Variants in GFM1 observed in about 807,000 individuals in gnomAD.
GFM1 encodes elongation factor G, mitochondrial.
In GFM1, 62 loss-of-function variants were observed where a neutral mutation model predicts 96.2. The ratio of observed to expected loss-of-function variants is 0.64; its 90% CI spans 0.53 to 0.80. The LOEUF is 0.80. Ranked by LOEUF, GFM1 falls within the 30% of genes least tolerant of loss-of-function variation. The pLI is 0.00. For synonymous variants in GFM1, 282 were observed against 312.9 expected (o/e 0.90, Z 1.04); for missense variants, 852 against 916.6 (o/e 0.93, Z 0.91).
At chr3:158,656,729 A>T (rs1043472073) in intron 8 of GFM1, 5 of 152,238 alleles carry the variant, frequency 3.3e-5, no homozygotes, top group African/African-American at 1.2e-4. Flanking sequence ...CACTTATTTA[A>T]TATCAGCGTG....
At chr3:158,688,132 A>G (rs1726016128) in intron 15 of GFM1, among the ~76,000 whole-genome samples, 1 of 152,226 alleles carries the variant, frequency 6.6e-6, no homozygotes, top group Non-Finnish European at 1.5e-5. Context: ...TAAAAAATGA[A>G]CACTAGAATT....
chr3:158,669,539 G>T lies in GFM1; in HGVS notation c.1601+3153G>T, dbSNP rs373201097. 3.1e-6 allele frequency: 5 copies of T among 1,613,954 alleles called. No individual in the cohort carries two copies. The highest frequency in any genetic ancestry group is 4.2e-6 in the Non-Finnish European group (5 of 1,179,886). On this transcript the variant is annotated intron_variant, in intron 13 of 17. Transcript: ENST00000486715. ...TTCCAGTTTCTCCTTCAAATGTGAA[G>T]TTGACTTCTGGTGCAGTTTCTTGTC...
intron 8 of GFM1, 111 bp from the exon 9 acceptor site, chr3:158,658,811 A>G: frequency 8.9e-7 from 1 of 1,118,196 alleles, no homozygotes; most frequent in Non-Finnish European, 1.3e-6. Context: ...TGTAAGATAG[A>G]TTACTAAAAT....
rs747715354 is a variant in GFM1 at position 158,672,392 on chromosome 3, G to A, written c.1601+6006G>A. The stretch of plus-strand genomic sequence containing the variant: ...TGACCTTCTGCACCTCAAACACCCT[G>A]TGCGGGGTCCCCTGCTGGTAGTTGA... On this transcript the variant is annotated intron_variant, in intron 13 of 17. Transcript: ENST00000486715. 5.0e-6 allele frequency: 8 copies of A among 1,613,956 alleles called. No homozygotes were observed. In the South Asian group the frequency reaches 8.8e-5, roughly 18 times the overall value.
intron 5 of GFM1, chr3:158,649,880 G>A (rs1333738213): frequency 2.7e-6 from 2 of 754,454 alleles, no homozygotes; most frequent in Non-Finnish European, 4.4e-6. Context: ...AAGGTTTCCA[G>A]TTGATGCTGC....
At chr3:158,684,850 C>A (rs186555280) in intron 15 of GFM1, 182 bp downstream of exon 15, 11 of 615,380 alleles carry the variant, frequency 1.8e-5, no homozygotes, top group Middle Eastern at 4.5e-4. Context: ...CTCTTTCTTG[C>A]AAAGCTAAAA....
rs1726451766 is a variant in GFM1 at position 158,693,760 on chromosome 3, C to G, written c.*2293C>G. 1.3e-5 allele frequency: 2 copies of G among 152,204 alleles called. 1 individual carries two copies. Among genetic ancestry groups the G allele is most frequent in the African/African-American group, 4.8e-5 (2 of 41,452 alleles). The allele number at this position is 152,204 out of a possible 1,614,324, so 9.4% of individuals were successfully genotyped here. A position where few individuals can be genotyped will look rare whatever the true frequency, so the allele number is the denominator to read the frequency against. Reference sequence around the variant, plus strand: ...GTATTGTACTGATTCCCAACCCTCACTGTACTTTAAAAATCACTGGGGGAG... The same window carrying G: ...GTATTGTACTGATTCCCAACCCTCAGTGTACTTTAAAAATCACTGGGGGAG... On this transcript the variant is annotated 3_prime_UTR_variant, in exon 18 of 18. Coordinates refer to ENST00000486715, the MANE Select transcript of GFM1 (RefSeq NM_024996.7).
Position 158,694,386 on chromosome 3 carries a change from C to T in GFM1, c.*2919C>T, listed in dbSNP as rs1726476799. Among the ~76,000 whole-genome samples, 1 of 152,078 alleles carries T rather than the reference C, an allele frequency of 6.6e-6. No individual in the cohort carries two copies. Among genetic ancestry groups the T allele is most frequent in the Non-Finnish European group, 1.5e-5 (1 of 68,004 alleles). ...ATAAGTGGGAGCTAAATAATGAGAA[C>T]ACATGGACACACAGAGGGGAACAAC... On this transcript the variant is annotated 3_prime_UTR_variant, in exon 18 of 18. Coordinates refer to ENST00000486715, the MANE Select transcript of GFM1 (RefSeq NM_024996.7).
chr3:158,644,898 C>T (rs1055958465), intron 1 of GFM1, 183 bp downstream of exon 1: 2 of 628,052 alleles, frequency 3.2e-6, no homozygotes, highest in Non-Finnish European at 5.9e-6. Flanking sequence ...TCGTTTGTTT[C>T]GCTCTCTGGT....
At chr3:158,670,998 T>C in intron 13 of GFM1, 1 of 1,537,738 alleles carries the variant, frequency 6.5e-7, no homozygotes, top group Non-Finnish European at 8.7e-7. Flanking sequence ...AGGTGATACT[T>C]ATGTCCTCTT....
At chr3:158,688,112 A>G (rs1157222273) in intron 15 of GFM1, among the ~76,000 whole-genome samples, 1 of 152,174 alleles carries the variant, frequency 6.6e-6, no homozygotes, top group Non-Finnish European at 1.5e-5. Context: ...ATTCTCCCAT[A>G]TTCTTGATTT....
intron 13 of GFM1, among the ~76,000 whole-genome samples, chr3:158,669,944 G>A (rs112970393): frequency 6.6e-5 from 10 of 152,260 alleles, no homozygotes; most frequent in African/African-American, 2.2e-4. Flanking sequence ...ACTCAAGACT[G>A]GTTACTTTTA....
chr3:158,672,927 G>GA (rs1351859937), intron 13 of GFM1, among the ~76,000 whole-genome samples: 1 of 152,156 alleles, frequency 6.6e-6, no homozygotes, highest in Non-Finnish European at 1.5e-5. Context: ...CTGTCCATGG[G>GA]AAAAAAGTCT....
At chr3:158,665,285 A>T in intron 11 of GFM1, 52 bp from the exon 12 acceptor site, 1 of 1,424,902 alleles carries the variant, frequency 7.0e-7, no homozygotes, top group Non-Finnish European at 9.9e-7. Context: ...CTAAAATCCC[A>T]TTGCTTATCA....
In GFM1 at chr3:158,676,910, G is replaced by A. The variant is rs142440552; in HGVS notation, c.1602-5085G>A. Among the ~76,000 whole-genome samples the A allele has an allele frequency of 3.8e-3, 575 of 152,182 alleles. 3 individuals are homozygous for A. Among genetic ancestry groups the A allele is most frequent in the African/African-American group, 0.013 (532 of 41,536 alleles). On this transcript the variant is annotated intron_variant, in intron 13 of 17. Coordinates refer to ENST00000486715, the MANE Select transcript of GFM1 (RefSeq NM_024996.7). Reference sequence around the variant, plus strand: ...AGACAGGGTTTCACCGTATTGGCCAGGCTGGTCTCGAACTCCTGACCTCAA... The same window carrying A: ...AGACAGGGTTTCACCGTATTGGCCAAGCTGGTCTCGAACTCCTGACCTCAA...
intron 5 of GFM1, chr3:158,649,396 A>C (rs1722112996): frequency 5.4e-6 from 2 of 369,414 alleles, no homozygotes. Flanking sequence ...TATGGCATGC[A>C]TGGTGTGGTA....
In GFM1 at chr3:158,644,663, C is replaced by T; in HGVS notation, c.29C>T (p.Ala10Val). 6.3e-7 allele frequency: 1 copy of T among 1,576,762 alleles called. No individual in the cohort carries two copies. Among genetic ancestry groups the T allele is most frequent in the Non-Finnish European group, 8.6e-7 (1 of 1,161,788 alleles). ...AGACTCCTGGGAGCTGCAGCCGTCG[C>T]GGCTCTGGGGCGCGGAAGGGCCCCC... Reference protein sequence around the residue: MRLLGAAAVAALGRGRAPAS... With the variant: MRLLGAAAVVALGRGRAPAS... The change falls in exon 1 of 18, where the codon GCG becomes GTG. Residue 10 changes from alanine to valine, a missense_variant. Ala to Val is a moderately conservative substitution (Grantham distance 64). Coordinates refer to ENST00000486715, the MANE Select transcript of GFM1 (RefSeq NM_024996.7).
rs1726329380 is a variant in GFM1, at chr3:158,691,613, C to G, written c.*146C>G. On this transcript the variant is annotated 3_prime_UTR_variant, in exon 18 of 18. Transcript: ENST00000486715. Reference sequence around the variant, plus strand: ...TCTTCTTTCTTCAAAAGAAGCCCTTCTTGTTCATATTCAGGAGCTTCTGTT... The same window carrying G: ...TCTTCTTTCTTCAAAAGAAGCCCTTGTTGTTCATATTCAGGAGCTTCTGTT... 1 of 784,736 alleles carries G rather than the reference C, an allele frequency of 1.3e-6. No individual in the cohort carries two copies. The highest frequency in any genetic ancestry group is 2.2e-5 in the Admixed American group (1 of 44,546). 48.6% of individuals were successfully genotyped at this position (784,736 alleles called of 1,614,324 possible). A position where few individuals can be genotyped will look rare whatever the true frequency, so the allele number is the denominator to read the frequency against.
At chr3:158,669,717 G>C in intron 13 of GFM1, 4 of 1,075,944 alleles carry the variant, frequency 3.7e-6, no homozygotes, top group Non-Finnish European at 5.4e-6. Context: ...TGTTGTTTTA[G>C]ACTAGACTTC....
Sources: gnomAD v4.1 joint callset for allele counts (sites outside exome capture counted in the v4.1 genomes callset) on GRCh38, gnomAD v4.1.1 for gene constraint, MANE v1.5 for transcripts, NCBI Gene and HGNC (gene_info 2026-07-23, HGNC 2026-07-21) for gene names.